PLCB1: variants seen among roughly 807,000 people sequenced by gnomAD.
The protein encoded by PLCB1 is 1-phosphatidylinositol 4,5-bisphosphate phosphodiesterase beta-1.
Under a neutral mutation model 161.8 loss-of-function variants are expected in PLCB1, and 46 were observed. That is an observed-to-expected ratio of 0.28 (90% CI 0.22 to 0.36). The LOEUF is 0.36. PLCB1 is among the 10% of genes least tolerant of loss of function. The probability of loss-of-function intolerance (pLI) is 1.00; values close to 1 mark genes in which losing one functional copy is unlikely to be tolerated. For missense variants in PLCB1, 1,016 were observed against 1,472.5 expected (o/e 0.69, Z 5.07); for synonymous variants, 517 against 503.7 (o/e 1.03, Z -0.35).
chr20:8,171,274 C>T (rs1191759589), intron 2 of PLCB1, among the ~76,000 whole-genome samples: 7 of 151,886 alleles, frequency 4.6e-5, no homozygotes, highest in Admixed American at 4.6e-4. Flanking sequence ...AATGCATATA[C>T]ATTATATACA....
Position 8,721,833 on chromosome 20 carries a change from G to T in PLCB1, c.1514-521G>T, listed in dbSNP as rs1390430629. Reference sequence around the variant, plus strand: ...TCCTAACTTCTTTGACTTCTGCAAGGTCCTCTCTGGCCTTGGGAAAAATGT... The same window carrying T: ...TCCTAACTTCTTTGACTTCTGCAAGTTCCTCTCTGGCCTTGGGAAAAATGT... On this transcript the variant is annotated intron_variant, in intron 14 of 31. Coordinates refer to ENST00000338037, the MANE Select transcript of PLCB1 (RefSeq NM_015192.4). Among the ~76,000 whole-genome samples the T allele has an allele frequency of 2.6e-5, 4 of 152,106 alleles. No individual in the cohort carries two copies. The East Asian group carries it at 5.8e-4, about 22-fold the overall frequency.
chr20:8,271,344 C>G (rs1224655977), intron 2 of PLCB1, among the ~76,000 whole-genome samples: 1 of 152,118 alleles, frequency 6.6e-6, no homozygotes, highest in Non-Finnish European at 1.5e-5. Flanking sequence ...TTGGCCATCT[C>G]TACTTCCATG....
At chr20:8,157,133 A>C (rs1417553679) in intron 2 of PLCB1, among the ~76,000 whole-genome samples, 1 of 152,218 alleles carries the variant, frequency 6.6e-6, no homozygotes, top group African/African-American at 2.4e-5. Flanking sequence ...AGAGCCATGG[A>C]AGGCAAAAGA....
At chr20:8,760,318 A>G in intron 24 of PLCB1, 89 bp from the exon 25 acceptor site, 1 of 727,138 alleles carries the variant, frequency 1.4e-6, no homozygotes, top group East Asian at 2.7e-5. Flanking sequence ...AGAGATTTAG[A>G]TTCAAGGCCC....
At chr20:8,418,691 A>G (rs535207543) in intron 3 of PLCB1, among the ~76,000 whole-genome samples, 1 of 152,322 alleles carries the variant, frequency 6.6e-6, no homozygotes, top group African/African-American at 2.4e-5. Flanking sequence ...TTACATTTAT[A>G]TGAGGATAAT....
chr20:8,251,729 C>T (rs187726724), intron 2 of PLCB1, among the ~76,000 whole-genome samples: 64 of 152,072 alleles, frequency 4.2e-4, no homozygotes, highest in African/African-American at 1.3e-3. Context: ...TTTCCTACAA[C>T]TCAGATTACA....
chr20:8,242,461 G>T (rs556699715), intron 2 of PLCB1, among the ~76,000 whole-genome samples: 168 of 152,066 alleles, frequency 1.1e-3, no homozygotes, highest in Non-Finnish European at 1.8e-3. Flanking sequence ...GGTCAATGTG[G>T]TCAGACTTAC....
At chr20:8,528,623 G>A (rs1381515829) in intron 3 of PLCB1, among the ~76,000 whole-genome samples, 1 of 151,976 alleles carries the variant, frequency 6.6e-6, no homozygotes, top group African/African-American at 2.4e-5. Flanking sequence ...GATCTGCCCA[G>A]TAAAAATGTA....
chr20:8,295,778 TA>T (rs1220184103), intron 2 of PLCB1, among the ~76,000 whole-genome samples: 1 of 152,090 alleles, frequency 6.6e-6, no homozygotes, highest in Non-Finnish European at 1.5e-5. Flanking sequence ...GGCACAATCA[TA>T]CCTCACTGTA....
intron 2 of PLCB1, among the ~76,000 whole-genome samples, chr20:8,193,825 T>C (rs896301903): frequency 2.6e-5 from 4 of 151,938 alleles, no homozygotes; most frequent in African/African-American, 9.7e-5. Context: ...TGCAGCTAGG[T>C]GTGGTTGAGG....
At chr20:8,171,294 G>A (rs1255308522) in intron 2 of PLCB1, among the ~76,000 whole-genome samples, 1 of 151,936 alleles carries the variant, frequency 6.6e-6, no homozygotes, top group African/African-American at 2.4e-5. Flanking sequence ...ATTTAACTAA[G>A]TACAAATATA....
At chr20:8,701,490 C>T (rs1978353911) in intron 11 of PLCB1, among the ~76,000 whole-genome samples, 1 of 152,196 alleles carries the variant, frequency 6.6e-6, no homozygotes, top group African/African-American at 2.4e-5. Flanking sequence ...CCACCACTCC[C>T]AATCCCCACA....
chr20:8,410,724 A>T (rs1419746856), intron 3 of PLCB1, among the ~76,000 whole-genome samples: 1 of 152,170 alleles, frequency 6.6e-6, no homozygotes, highest in Non-Finnish European at 1.5e-5. Flanking sequence ...AGAACCTATG[A>T]ATGACACCTT....
chr20:8,451,610 A>G (rs1981077539), intron 3 of PLCB1, among the ~76,000 whole-genome samples: 1 of 152,152 alleles, frequency 6.6e-6, no homozygotes, highest in African/African-American at 2.4e-5. Flanking sequence ...TCGGCCTCCC[A>G]AAGTGCTGGG....
chr20:8,399,565 C>G (rs1422099577), intron 3 of PLCB1, among the ~76,000 whole-genome samples: 2 of 152,166 alleles, frequency 1.3e-5, no homozygotes, highest in African/African-American at 4.8e-5. Context: ...AATAACAAAA[C>G]AATTAGAAAT....
At chr20:8,205,044 C>T (rs957183345) in intron 2 of PLCB1, among the ~76,000 whole-genome samples, 2 of 152,086 alleles carry the variant, frequency 1.3e-5, no homozygotes, top group African/African-American at 4.8e-5. Flanking sequence ...GAATATCCAT[C>T]TTGAAGTTGC....
intron 12 of PLCB1, among the ~76,000 whole-genome samples, chr20:8,715,382 A>G (rs1979249740): frequency 6.6e-6 from 1 of 152,242 alleles, no homozygotes; most frequent in Non-Finnish European, 1.5e-5. Flanking sequence ...CAGTGGAATC[A>G]TCTTACATTT....
chr20:8,545,537 G>A (rs1323415345), intron 3 of PLCB1, among the ~76,000 whole-genome samples: 1 of 152,186 alleles, frequency 6.6e-6, no homozygotes, highest in East Asian at 1.9e-4. Context: ...CAATGATTTA[G>A]GGGAGAGAAA....
intron 3 of PLCB1, among the ~76,000 whole-genome samples, chr20:8,436,271 G>T (rs1315267745): frequency 6.6e-6 from 1 of 150,710 alleles, no homozygotes; most frequent in African/African-American, 2.4e-5. Context: ...GAAGGCAGAG[G>T]TTGCACTGAG....
Sources: allele counts gnomAD v4.1 joint callset (sites outside exome capture counted in the v4.1 genomes callset), GRCh38; gene constraint gnomAD v4.1.1; transcripts MANE v1.5; gene names NCBI Gene and HGNC (gene_info 2026-07-23, HGNC 2026-07-21).